LRFN5: variants seen among roughly 807,000 people sequenced by gnomAD.
LRFN5 encodes leucine-rich repeat and fibronectin type-III domain-containing protein 5.
LRFN5 carries 24 observed loss-of-function variants against 45.6 expected under a neutral mutation model. The observed-to-expected ratio is 0.53, with a 90% CI of 0.38 to 0.74. The LOEUF (loss-of-function observed/expected upper bound fraction) is 0.74, where lower values mean the gene tolerates loss of function less well. Among genes scored for constraint, LRFN5 ranks in the 30% least tolerant of loss-of-function variants. The probability of loss-of-function intolerance (pLI) is 0.00; values close to 1 mark genes in which losing one functional copy is unlikely to be tolerated. For synonymous variants in LRFN5, 340 were observed against 313.8 expected (o/e 1.08, Z -0.88); for missense variants, 776 against 861.5 (o/e 0.90, Z 1.24).
At chr14:41,901,031 CA>C (rs1647030720) in intron 5 of LRFN5, among the ~76,000 whole-genome samples, 1 of 152,112 alleles carries the variant, frequency 6.6e-6, no homozygotes, top group African/African-American at 2.4e-5. Context: ...TTCCATTATT[CA>C]GAATATGCCC....
At chr14:41,839,793 G>A (rs1447866098) in intron 2 of LRFN5, among the ~76,000 whole-genome samples, 2 of 152,042 alleles carry the variant, frequency 1.3e-5, no homozygotes, top group Non-Finnish European at 2.9e-5. Flanking sequence ...GAGGTCTTTC[G>A]ATTGAACTTC....
intron 1 of LRFN5, among the ~76,000 whole-genome samples, chr14:41,616,253 G>A (rs1887922280): frequency 6.6e-6 from 1 of 152,068 alleles, no homozygotes; most frequent in African/African-American, 2.4e-5. Flanking sequence ...GTCTGTTCTA[G>A]ACAAGAATGA....
chr14:41,885,504 A>G (rs75779594), intron 2 of LRFN5, among the ~76,000 whole-genome samples: 1,791 of 152,290 alleles, frequency 0.012, 12 homozygotes, highest in Admixed American at 0.021. Context: ...TTGGATAAAT[A>G]TACATTCGTT....
At chr14:41,744,510 A>G (rs1410331144) in intron 1 of LRFN5, among the ~76,000 whole-genome samples, 2 of 152,188 alleles carry the variant, frequency 1.3e-5, no homozygotes, top group Admixed American at 1.3e-4. Flanking sequence ...CAACATGACA[A>G]AAGTAAGTCC....
intron 2 of LRFN5, among the ~76,000 whole-genome samples, chr14:41,885,210 A>G (rs567782890): frequency 6.6e-6 from 1 of 151,404 alleles, no homozygotes; most frequent in Non-Finnish European, 1.5e-5. Flanking sequence ...CTGTAGTCCC[A>G]TCTACTCAGA....
Position 41,607,036 on chromosome 14 carries a change from C to A in LRFN5, c.-1723C>A, listed in dbSNP as rs1887511016. Among the ~76,000 whole-genome samples the A allele has an allele frequency of 6.6e-6, 1 of 152,120 alleles. No individual in the cohort carries two copies. Among genetic ancestry groups the A allele is most frequent in the Non-Finnish European group, 1.5e-5 (1 of 67,992 alleles). On this transcript the variant is annotated 5_prime_UTR_variant, in exon 1 of 6. Transcript: ENST00000298119. ...GGCTGCTTGCCTCGCGCCTGAACTG[C>A]GGACTCGCCCCAGCGCGGTGGCCAG...
At chr14:41,674,548 AG>A (rs1008883141) in intron 1 of LRFN5, among the ~76,000 whole-genome samples, 5 of 90,222 alleles carry the variant, frequency 5.5e-5, no homozygotes, top group South Asian at 4.2e-4. Flanking sequence ...CTGGCCGGGC[AG>A]GGGGCTGACC....
intron 1 of LRFN5, among the ~76,000 whole-genome samples, chr14:41,682,177 A>T (rs975121683): frequency 2.0e-5 from 3 of 151,966 alleles, no homozygotes; most frequent in African/African-American, 7.2e-5. Context: ...AATAATGACA[A>T]GGAGGTTGCA....
intron 1 of LRFN5, among the ~76,000 whole-genome samples, chr14:41,695,944 TG>T (rs1882591554): frequency 1.3e-5 from 2 of 151,956 alleles, no homozygotes; most frequent in South Asian, 4.1e-4. Context: ...CTGAGGGATC[TG>T]GGCAAAGTAA....
At chr14:41,689,810 G>GC (rs1838130190) in intron 1 of LRFN5, among the ~76,000 whole-genome samples, 1 of 148,212 alleles carries the variant, frequency 6.7e-6, no homozygotes, top group South Asian at 2.1e-4. Flanking sequence ...CAGGAGAATG[G>GC]CGTGAACCCG....
chr14:41,769,134 A>C (rs188854332), intron 2 of LRFN5, among the ~76,000 whole-genome samples: 28 of 152,258 alleles, frequency 1.8e-4, no homozygotes, highest in African/African-American at 5.8e-4. Flanking sequence ...TCCAACTTCA[A>C]ATAGCTCATT....
At chr14:41,781,588 GAA>G (rs1278309624) in intron 2 of LRFN5, among the ~76,000 whole-genome samples, 2 of 90,172 alleles carry the variant, frequency 2.2e-5, no homozygotes, top group Admixed American at 1.2e-4. Context: ...AAGAAAGAAA[GAA>G]AGAAAGAAAG....
At chr14:41,742,930 T>C (rs57774630) in intron 1 of LRFN5, 25,780 of 155,224 alleles carry the variant, frequency 0.17, 2,259 homozygotes, top group Admixed American at 0.19. Context: ...CCCAGTGCTA[T>C]CCTATCTTTG....
chr14:41,847,879 C>T (rs17092291), intron 2 of LRFN5, among the ~76,000 whole-genome samples: 4,609 of 152,144 alleles, frequency 0.03, 242 homozygotes, highest in African/African-American at 0.11. Flanking sequence ...TATATAAACA[C>T]GTCATGAGGA....
chr14:41,631,128 C>T (rs1043333758), intron 1 of LRFN5, among the ~76,000 whole-genome samples: 1 of 152,174 alleles, frequency 6.6e-6, no homozygotes, highest in Non-Finnish European at 1.5e-5. Flanking sequence ...CAAACTTGCT[C>T]TCTGACATTC....
At chr14:41,869,901 C>A (rs1889962411) in intron 2 of LRFN5, among the ~76,000 whole-genome samples, 1 of 152,148 alleles carries the variant, frequency 6.6e-6, no homozygotes, top group Non-Finnish European at 1.5e-5. Context: ...GGTGGGGACA[C>A]AGCCAAACCA....
At chr14:41,658,094 AT>A (rs910482619) in intron 1 of LRFN5, among the ~76,000 whole-genome samples, 8 of 152,116 alleles carry the variant, frequency 5.3e-5, no homozygotes, top group African/African-American at 1.7e-4. Flanking sequence ...CTAAAATATG[AT>A]TTTTTTGAAG....
intron 5 of LRFN5, among the ~76,000 whole-genome samples, chr14:41,902,047 T>C (rs1891117304): frequency 6.6e-6 from 1 of 152,014 alleles, no homozygotes; most frequent in African/African-American, 2.4e-5. Context: ...ATCCTAGCTA[T>C]AAAAGATCAA....
intron 1 of LRFN5, among the ~76,000 whole-genome samples, chr14:41,703,541 TTTTTTTGTTTG>T (rs1361930264): frequency 6.6e-6 from 1 of 152,136 alleles, no homozygotes; most frequent in South Asian, 2.1e-4. Context: ...AGACAGTGTT[TTTTTTTGTTTG>T]TTTTTTGTTT....
Sources: allele counts gnomAD v4.1 joint callset (sites outside exome capture counted in the v4.1 genomes callset), GRCh38; gene constraint gnomAD v4.1.1; transcripts MANE v1.5; gene names NCBI Gene and HGNC (gene_info 2026-07-23, HGNC 2026-07-21).